Variants in CFHR1 observed in about 807,000 individuals in gnomAD.
The protein encoded by CFHR1 is complement factor H related 1, also known as complement factor H-related protein 1.
Under a neutral mutation model 30.4 loss-of-function variants are expected in CFHR1, and 22 were observed. The ratio of observed to expected loss-of-function variants is 0.72; its 90% CI spans 0.52 to 1.03. CFHR1 has a LOEUF of 1.03. CFHR1 is among the 50% of genes least tolerant of loss of function. The pLI is 0.00. For synonymous variants in CFHR1, 95 were observed against 129.1 expected, an observed-to-expected ratio of 0.74 and a Z score of 1.79; for missense variants, 248 against 380.6, an observed-to-expected ratio of 0.65 and a Z score of 2.90.
chr1:196,824,748 G>GTATGTATATA (rs768468903), intron 1 of CFHR1, among the ~76,000 whole-genome samples: 2 of 54,998 alleles, frequency 3.6e-5, no homozygotes, highest in Admixed American at 2.2e-4. Context: ...GGGGCTGACT[G>GTATGTATATA]TATATATATA....
chr1:196,822,915 AC>A (rs1263483397), intron 1 of CFHR1, among the ~76,000 whole-genome samples: 1 of 133,772 alleles, frequency 7.5e-6, no homozygotes, highest in Non-Finnish European at 1.6e-5. Flanking sequence ...AGGTTTGTTT[AC>A]CCCCGGCATT....
chr1:196,830,778 C>A, intron 5 of CFHR1, 96 bp downstream of exon 5: 1 of 1,423,974 alleles, frequency 7.0e-7, no homozygotes, highest in Non-Finnish European at 9.6e-7. Context: ...ATTGAACAAC[C>A]ATTCTGCTGA....
At chr1:196,824,209 G>A (rs73076038) in intron 1 of CFHR1, among the ~76,000 whole-genome samples, 2,556 of 133,850 alleles carry the variant, frequency 0.019, 726 homozygotes, top group African/African-American at 0.075. Flanking sequence ...GAATGGTGTA[G>A]TATTTGTACA....
rs1394898874 is a variant in CFHR1 at position 196,823,132 on chromosome 1, T to G, written c.59-2345T>G. Reference sequence around the variant, plus strand: ...GTGTGTGTGTGTGTGTGTGTGTGTGTGTATCCCAGAAGAAATGTATTCACA... The same window carrying G: ...GTGTGTGTGTGTGTGTGTGTGTGTGGGTATCCCAGAAGAAATGTATTCACA... On this transcript the variant is annotated intron_variant, in intron 1 of 5. Coordinates refer to ENST00000320493, the MANE Select transcript of CFHR1 (RefSeq NM_002113.3). Among the ~76,000 whole-genome samples the G allele has an allele frequency of 1.5e-5, 2 of 131,890 alleles. 1 individual carries two copies. Among genetic ancestry groups the G allele is most frequent in the Non-Finnish European group, 3.1e-5 (2 of 63,522 alleles). 86.5% of individuals were successfully genotyped at this position (131,890 alleles called of 152,430 possible). A position where few individuals can be genotyped will look rare whatever the true frequency, so the allele number is the denominator to read the frequency against.
At position 196,827,120 on chromosome 1, in the gene CFHR1, T is replaced by C. The variant is rs1655360377; in HGVS notation, c.430+115T>C. ...CCACATACTTTTATCTTTATTCATT[T>C]GATTTTCAGTTCCAATTGTGTCCAA... On this transcript the variant is annotated intron_variant, in intron 3 of 5. Transcript: ENST00000320493. 30 of 1,112,966 alleles carry C rather than the reference T, an allele frequency of 2.7e-5. 2 individuals are homozygous for C. The highest frequency in any genetic ancestry group is 3.7e-5 in the Non-Finnish European group (29 of 783,268). 68.9% of individuals were successfully genotyped at this position (1,112,966 alleles called of 1,614,324 possible).
chr1:196,826,832 T>G lies in CFHR1; in HGVS notation c.257T>G (p.Leu86Arg). ...TTAATCCGTTTTTGGTCCTTAGGACTGTGTTTCTTTCCTTTTGTGGAAAAT... is the reference window on the plus strand; with the variant it reads ...TTAATCCGTTTTTGGTCCTTAGGACGGTGTTTCTTTCCTTTTGTGGAAAAT... ...GWSPTPKCLR[L>R]CFFPFVENGH... Residue 86 changes from leucine to arginine, a missense_variant, in exon 3 of 6, where the codon CTG becomes CGG. Physicochemically the swap from Leu to Arg is moderately radical, Grantham distance 102 (BLOSUM62 -2). Transcript: ENST00000320493. 2.6e-6 allele frequency: 4 copies of G among 1,524,060 alleles called. 1 individual carries two copies. The highest frequency in any genetic ancestry group is 3.5e-6 in the Non-Finnish European group (4 of 1,128,784). The allele number at this position is 1,524,060 out of a possible 1,614,324, so 94.4% of individuals were successfully genotyped here. A position where few individuals can be genotyped will look rare whatever the true frequency, so the allele number is the denominator to read the frequency against.
In CFHR1 at chr1:196,830,148, C is replaced by T. The variant is rs1213129639; in HGVS notation, c.608-352C>T. Among the ~76,000 whole-genome samples the T allele has an allele frequency of 1.5e-5, 2 of 134,882 alleles. 1 individual carries two copies. The highest frequency in any genetic ancestry group is 6.3e-5 in the African/African-American group (2 of 31,502). 88.5% of individuals were successfully genotyped at this position (134,882 alleles called of 152,430 possible). A position where few individuals can be genotyped will look rare whatever the true frequency, so the allele number is the denominator to read the frequency against. ...AAGAACCATCATCAATTTCAAAACC[C>T]GTGTCCTCTTAGTGTTACTCCAAAG... On this transcript the variant is annotated intron_variant, in intron 4 of 5. Transcript: ENST00000320493.
Position 196,830,567 on chromosome 1 carries a change from A to T in CFHR1, c.675A>T (p.Ser225=), listed in dbSNP as rs1487713181. Residue 225 remains serine (S), a synonymous_variant, in exon 5 of 6, where the codon TCA becomes TCT. Coordinates refer to ENST00000320493, the MANE Select transcript of CFHR1 (RefSeq NM_002113.3). ...GGGACATTACTTCATTCCCGTTGTCAGTATATGCTCCAGCTTCATCAGTTG... is the reference window on the plus strand; with the variant it reads ...GGGACATTACTTCATTCCCGTTGTCTGTATATGCTCCAGCTTCATCAGTTG... ...DNGDITSFPL[S]VYAPASSVEY... 2.0e-6 allele frequency: 3 copies of T among 1,525,132 alleles called. No homozygotes were observed. Among genetic ancestry groups the T allele is most frequent in the Non-Finnish European group, 2.7e-6 (3 of 1,129,222 alleles). 94.5% of individuals were successfully genotyped at this position (1,525,132 alleles called of 1,614,324 possible).
At position 196,832,112 on chromosome 1, in the gene CFHR1, A is replaced by G. The variant is rs1655592019; in HGVS notation, c.*113A>G. On this transcript the variant is annotated 3_prime_UTR_variant, in exon 6 of 6. Transcript: ENST00000320493. Reference sequence around the variant, plus strand: ...TTATTCATACGTAAAATTTTGGATTAATTTGTGAAAATGTAATTATAAGCT... The same window carrying G: ...TTATTCATACGTAAAATTTTGGATTGATTTGTGAAAATGTAATTATAAGCT... 3 of 1,033,894 alleles carry G rather than the reference A, an allele frequency of 2.9e-6. No homozygotes were observed. The highest frequency in any genetic ancestry group is 4.2e-6 in the Non-Finnish European group (3 of 716,250). The allele number at this position is 1,033,894 out of a possible 1,614,324, so 64.0% of individuals were successfully genotyped here.
intron 4 of CFHR1, among the ~76,000 whole-genome samples, chr1:196,829,830 C>A (rs1655473516): frequency 7.4e-6 from 1 of 134,290 alleles, no homozygotes; most frequent in Non-Finnish European, 1.6e-5. Context: ...TAAGTTTATG[C>A]CTTATTGTCA....
chr1:196,825,806 C>T lies in CFHR1; in HGVS notation c.253+135C>T, dbSNP rs1187682666. 6 of 875,794 alleles carry T rather than the reference C, an allele frequency of 6.9e-6. 1 individual carries two copies. In the African/African-American group the frequency reaches 8.9e-5, roughly 13 times the overall value. 54.3% of individuals were successfully genotyped at this position (875,794 alleles called of 1,614,324 possible). ...TGGAAAGATGGGAGATGTAGTCCCC[C>T]TATTTTGAGATGCCTCCTATAAGAA... On this transcript the variant is annotated intron_variant, in intron 2 of 5. Transcript: ENST00000320493.
Position 196,825,690 on chromosome 1 carries a change from C to T in CFHR1, c.253+19C>T. 1 of 1,499,172 alleles carries T rather than the reference C, an allele frequency of 6.7e-7. No individual in the cohort carries two copies. Among genetic ancestry groups the T allele is most frequent in the Non-Finnish European group, 9.0e-7 (1 of 1,107,116 alleles). The allele number at this position is 1,499,172 out of a possible 1,614,324, so 92.9% of individuals were successfully genotyped here. Reference sequence around the variant, plus strand: ...TGTCTCAGTGAGTAAATGCTCTGTTCATTAAATGGATGTCATTCAGTGAAT... The same window carrying T: ...TGTCTCAGTGAGTAAATGCTCTGTTTATTAAATGGATGTCATTCAGTGAAT... On this transcript the variant is annotated intron_variant, in intron 2 of 5. Transcript: ENST00000320493.
Position 196,820,351 on chromosome 1 carries a change from T to C in CFHR1, c.58+449T>C, listed in dbSNP as rs187614146. The stretch of plus-strand genomic sequence containing the variant: ...TAAAATGGAGGAATTCCCATTTCAA[T>C]TGAATTATCCTTCAACAGAGGGAAA... On this transcript the variant is annotated intron_variant, in intron 1 of 5. Coordinates refer to ENST00000320493, the MANE Select transcript of CFHR1 (RefSeq NM_002113.3). Among the ~76,000 whole-genome samples the C allele has an allele frequency of 2.2e-5, 2 of 91,252 alleles. 1 individual carries two copies. Among genetic ancestry groups the C allele is most frequent in the Non-Finnish European group, 4.2e-5 (2 of 47,540 alleles). The allele number at this position is 91,252 out of a possible 152,430, so 59.9% of individuals were successfully genotyped here. A position where few individuals can be genotyped will look rare whatever the true frequency, so the allele number is the denominator to read the frequency against.
intron 1 of CFHR1, among the ~76,000 whole-genome samples, chr1:196,823,093 ATATATATATGTGTG>A (rs55817268): frequency 0.41 from 48,960 of 120,430 alleles, 14,366 homozygotes; most frequent in African/African-American, 0.47. Flanking sequence ...GTATATATAT[ATATATATATGTGTG>A]TGTGTGTGTG....
rs887377372 is a variant in CFHR1, at chr1:196,830,740, G to C, written c.790+58G>C. 14 of 1,498,040 alleles carry C rather than the reference G, an allele frequency of 9.3e-6. 2 individuals carry two copies. The highest frequency in any genetic ancestry group is 1.3e-5 in the Non-Finnish European group (14 of 1,105,366). The allele number at this position is 1,498,040 out of a possible 1,614,324, so 92.8% of individuals were successfully genotyped here. On this transcript the variant is annotated intron_variant, in intron 5 of 5. Coordinates refer to ENST00000320493, the MANE Select transcript of CFHR1 (RefSeq NM_002113.3). ...ATCAGTGTGATGAGTCTGATATTTTGCTGTTGGTAACAAAATAATCACAGA... is the reference window on the plus strand; with the variant it reads ...ATCAGTGTGATGAGTCTGATATTTTCCTGTTGGTAACAAAATAATCACAGA...
rs1655265754 is a variant in CFHR1, at chr1:196,824,840, A to T, written c.59-637A>T. On this transcript the variant is annotated intron_variant, in intron 1 of 5. Transcript: ENST00000320493. ...TATAAATACAAATATACAAATACAT[A>T]TTTGTATATACAACATTAACCAGAA... Among the ~76,000 whole-genome samples, 4 of 119,304 alleles carry T rather than the reference A, an allele frequency of 3.4e-5. 1 individual carries two copies. The highest frequency in any genetic ancestry group is 8.2e-5 in the Admixed American group (1 of 12,216). The allele number at this position is 119,304 out of a possible 152,430, so 78.3% of individuals were successfully genotyped here. A position where few individuals can be genotyped will look rare whatever the true frequency, so the allele number is the denominator to read the frequency against.
At position 196,830,647 on chromosome 1, in the gene CFHR1, G is replaced by C. The variant is rs1655516613; in HGVS notation, c.755G>C (p.Arg252Thr). 2 of 1,524,728 alleles carry C rather than the reference G, an allele frequency of 1.3e-6. No individual in the cohort carries two copies. The highest frequency in any genetic ancestry group is 8.9e-7 in the Non-Finnish European group (1 of 1,129,152). The allele number at this position is 1,524,728 out of a possible 1,614,324, so 94.4% of individuals were successfully genotyped here. A position where few individuals can be genotyped will look rare whatever the true frequency, so the allele number is the denominator to read the frequency against. The change falls in exon 5 of 6, where the codon AGA (arginine) becomes ACA (threonine). Residue 252 changes from arginine to threonine, a missense_variant. Around this residue, in one of 3 missense-constraint regions of CFHR1, gnomAD observed 112 missense variants for 156.4 expected, o/e 0.72. Coordinates refer to ENST00000320493, the MANE Select transcript of CFHR1 (RefSeq NM_002113.3). ...QLEGNKRITC[R>T]NGQWSEPPKC... ...GAGGGTAACAAGCGAATAACATGTA[G>C]AAATGGACAATGGTCAGAACCACCA...
Position 196,832,092 on chromosome 1 carries a change from C to A in CFHR1, c.*93C>A. The A allele has an allele frequency of 2.5e-6, 3 of 1,222,942 alleles. 1 individual carries two copies. The highest frequency in any genetic ancestry group is 3.4e-6 in the Non-Finnish European group (3 of 880,728). 75.8% of individuals were successfully genotyped at this position (1,222,942 alleles called of 1,614,324 possible). On this transcript the variant is annotated 3_prime_UTR_variant, in exon 6 of 6. Transcript: ENST00000320493. The stretch of plus-strand genomic sequence containing the variant: ...AAGTATTGTTTTACTCCTTTTTATT[C>A]ATACGTAAAATTTTGGATTAATTTG...
At chr1:196,822,759 A>C (rs1475319433) in intron 1 of CFHR1, among the ~76,000 whole-genome samples, 3 of 134,788 alleles carry the variant, frequency 2.2e-5, no homozygotes, top group African/African-American at 3.2e-5. Flanking sequence ...TTTTTTAATC[A>C]ATAGAAGAAG....
Sources: allele counts gnomAD v4.1 joint callset (sites outside exome capture counted in the v4.1 genomes callset), GRCh38; gene constraint gnomAD v4.1.1; regional missense constraint gnomAD v4.1.1; transcripts MANE v1.5; gene names NCBI Gene and HGNC (gene_info 2026-07-23, HGNC 2026-07-21).